Variants in FRAS1 observed in about 807,000 individuals in gnomAD.
FRAS1 encodes Fraser extracellular matrix complex subunit 1, also known as extracellular matrix organizing protein FRAS1.
A neutral mutation model predicts 435.2 loss-of-function variants in FRAS1; 290 were observed. That is an observed-to-expected ratio of 0.67 (90% CI 0.61 to 0.73). The LOEUF is 0.73. FRAS1 is among the 30% of genes least tolerant of loss of function. The probability of loss-of-function intolerance (pLI) is 0.00; values close to 1 mark genes in which losing one functional copy is unlikely to be tolerated. For synonymous variants in FRAS1, 1,800 were observed against 1,851.0 expected (o/e 0.97, Z 0.71); for missense variants, 4,860 against 5,001.5 (o/e 0.97, Z 0.85).
At chr4:78,514,258 A>G (rs1721137303) in intron 65 of FRAS1, among the ~76,000 whole-genome samples, 1 of 152,252 alleles carries the variant, frequency 6.6e-6, no homozygotes, top group Non-Finnish European at 1.5e-5. Context: ...GGCTGAGCCA[A>G]TATGCAGCTG....
At chr4:78,297,714 A>G (rs1369452318) in intron 14 of FRAS1, among the ~76,000 whole-genome samples, 1 of 152,186 alleles carries the variant, frequency 6.6e-6, no homozygotes, top group African/African-American at 2.4e-5. Context: ...TTTAACATTT[A>G]TTGCCACAAT....
chr4:78,094,080 G>A (rs1741664211), intron 2 of FRAS1, among the ~76,000 whole-genome samples: 1 of 143,132 alleles, frequency 7.0e-6, no homozygotes, highest in African/African-American at 2.6e-5. Context: ...GAAAGAGTAG[G>A]TAAAATTATT....
Position 78,511,526 on chromosome 4 carries a change from C to CA in FRAS1, c.10013+20_10013+21insA. The stretch of plus-strand genomic sequence containing the variant: ...GAACAGGTCAGGCAGGTGGTGCCTT[C>CA]CACCACACATAGATTGAAGTGAATC... On this transcript the variant is annotated intron_variant, in intron 64 of 73. Coordinates refer to ENST00000512123, the MANE Select transcript of FRAS1 (RefSeq NM_025074.7). 6.5e-7 allele frequency: 1 copy of CA among 1,533,600 alleles called. No individual in the cohort carries two copies. Among genetic ancestry groups the CA allele is most frequent in the Non-Finnish European group, 9.0e-7 (1 of 1,110,072 alleles). 95.0% of individuals were successfully genotyped at this position (1,533,600 alleles called of 1,614,324 possible).
intron 41 of FRAS1, among the ~76,000 whole-genome samples, chr4:78,444,713 C>A (rs1718735874): frequency 1.3e-5 from 2 of 152,342 alleles, no homozygotes; most frequent in South Asian, 4.1e-4. Flanking sequence ...ATATTGCTTA[C>A]TCTTCCCCTG....
intron 2 of FRAS1, among the ~76,000 whole-genome samples, chr4:78,116,096 T>G (rs1007493042): frequency 6.6e-6 from 1 of 152,206 alleles, no homozygotes; most frequent in Non-Finnish European, 1.5e-5. Context: ...TACCCAGTAG[T>G]CATTCAGGAG....
intron 26 of FRAS1, among the ~76,000 whole-genome samples, chr4:78,378,070 C>A (rs972270141): frequency 6.6e-6 from 1 of 152,106 alleles, no homozygotes; most frequent in African/African-American, 2.4e-5. Context: ...TTAGCAGTTT[C>A]TCTCCGCTCC....
chr4:78,319,837 C>T (rs1479812817), intron 18 of FRAS1, among the ~76,000 whole-genome samples: 1 of 152,174 alleles, frequency 6.6e-6, no homozygotes, highest in Non-Finnish European at 1.5e-5. Context: ...ATGTGGGTTT[C>T]AAGACTAGGT....
intron 2 of FRAS1, among the ~76,000 whole-genome samples, chr4:78,195,567 G>A (rs142541224): frequency 4.8e-4 from 73 of 152,278 alleles, no homozygotes; most frequent in Non-Finnish European, 2.1e-4. Flanking sequence ...AGGACCCTTC[G>A]AGCCAGGCGT....
rs1046953528 is a variant in FRAS1, at chr4:78,378,651, A to T, written c.3293-1075A>T. Among the ~76,000 whole-genome samples the T allele has an allele frequency of 3.0e-4, 46 of 152,158 alleles. 1 individual carries two copies. Among genetic ancestry groups the T allele is most frequent in the Admixed American group, 2.4e-3 (37 of 15,276 alleles). On this transcript the variant is annotated intron_variant, in intron 26 of 73. Transcript: ENST00000512123. ...TGATTTTGCACCTGCTCATGTGCTT[A>T]TTGGCCTTTTGTGTATCTTCTTTGA...
chr4:78,063,827 A>T (rs1402711853), intron 1 of FRAS1, among the ~76,000 whole-genome samples: 1 of 152,184 alleles, frequency 6.6e-6, no homozygotes, highest in African/African-American at 2.4e-5. Context: ...TTTAAAGATT[A>T]AATTTTGTTT....
intron 4 of FRAS1, among the ~76,000 whole-genome samples, chr4:78,247,076 A>G (rs58470952): frequency 0.012 from 1,775 of 152,256 alleles, 27 homozygotes; most frequent in African/African-American, 0.041. Flanking sequence ...TCTTAAGGGC[A>G]TGTTGGTCAT....
chr4:78,181,503 C>T (rs1560567060), intron 2 of FRAS1: 16 of 1,611,686 alleles, frequency 9.9e-6, no homozygotes, highest in Non-Finnish European at 1.4e-5. Flanking sequence ...AATCCATCTC[C>T]TCGGCCCATT....
In FRAS1 at chr4:78,400,867, C is replaced by T. The variant is rs369754197; in HGVS notation, c.4109C>T (p.Thr1370Ile). Reference protein sequence around the residue: ...ASAEEIIYKITQDYPQFGEVV... With the variant: ...ASAEEIIYKIIQDYPQFGEVV... Reference sequence around the variant, plus strand: ...GCTGAAGAAATCATCTACAAGATTACACAAGACTACCCCCAGTTTGGTAAC... The same window carrying T: ...GCTGAAGAAATCATCTACAAGATTATACAAGACTACCCCCAGTTTGGTAAC... Residue 1370 changes from threonine (T) to isoleucine (I), a missense_variant, in exon 30 of 74, where the codon ACA (threonine) becomes ATA (isoleucine). Coordinates refer to ENST00000512123, the MANE Select transcript of FRAS1 (RefSeq NM_025074.7). The T allele has an allele frequency of 9.3e-6, 15 of 1,613,698 alleles. No individual in the cohort carries two copies. The highest frequency in any genetic ancestry group is 6.7e-5 in the African/African-American group (5 of 75,024).
intron 15 of FRAS1, among the ~76,000 whole-genome samples, chr4:78,310,881 A>G (rs1728989637): frequency 6.6e-6 from 1 of 152,238 alleles, no homozygotes; most frequent in Non-Finnish European, 1.5e-5. Flanking sequence ...ACCAGCCTGT[A>G]TCTGTAGAAA....
At chr4:78,197,617 A>G (rs994003473) in intron 2 of FRAS1, among the ~76,000 whole-genome samples, 52 of 152,324 alleles carry the variant, frequency 3.4e-4, no homozygotes, top group African/African-American at 1.1e-3. Flanking sequence ...GCAAGGAAAA[A>G]GTATTGAGAC....
At chr4:78,167,453 G>C (rs2110032355) in intron 2 of FRAS1, among the ~76,000 whole-genome samples, 1 of 152,092 alleles carries the variant, frequency 6.6e-6, no homozygotes, top group African/African-American at 2.4e-5. Flanking sequence ...ACAGTGCAGA[G>C]GTAGGTGAGC....
At chr4:78,133,992 C>T (rs529991287) in intron 2 of FRAS1, among the ~76,000 whole-genome samples, 42 of 145,156 alleles carry the variant, frequency 2.9e-4, no homozygotes, top group African/African-American at 1.1e-3. Flanking sequence ...TGGACTCTCG[C>T]ACTGTCGCCC....
chr4:78,510,451 T>G (rs896184537), intron 63 of FRAS1, among the ~76,000 whole-genome samples: 1 of 152,236 alleles, frequency 6.6e-6, no homozygotes, highest in African/African-American at 2.4e-5. Context: ...AAAAAAAGTT[T>G]AATGGAAAAA....
chr4:78,356,594 T>A (rs17003153), intron 20 of FRAS1, among the ~76,000 whole-genome samples: 13,948 of 152,136 alleles, frequency 0.092, 929 homozygotes, highest in East Asian at 0.34. Context: ...CATAAGCCCC[T>A]TGAGAACAAT....
Sources: gnomAD v4.1 joint callset for allele counts (sites outside exome capture counted in the v4.1 genomes callset) on GRCh38, gnomAD v4.1.1 for gene constraint, MANE v1.5 for transcripts, NCBI Gene and HGNC (gene_info 2026-07-23, HGNC 2026-07-21) for gene names.